ANXA13: variants seen among roughly 807,000 people sequenced by gnomAD.
ANXA13 encodes the protein annexin A13.
A neutral mutation model predicts 46.6 loss-of-function variants in ANXA13; 36 were observed. The ratio of observed to expected loss-of-function variants is 0.77; its 90% confidence interval spans 0.59 to 1.02. The LOEUF (loss-of-function observed/expected upper bound fraction) is 1.02. Among genes scored for constraint, ANXA13 ranks in the 50% least tolerant of loss-of-function variants. ANXA13 has a pLI of 0.00. For missense variants in ANXA13, 417 were observed against 396.5 expected (o/e 1.05, Z -0.44); for synonymous variants, 163 against 152.9 (o/e 1.07, Z -0.49).
chr8:123,681,775 C>T (rs1357977339), intron 10 of ANXA13, among the ~76,000 whole-genome samples: 2 of 151,998 alleles, frequency 1.3e-5, no homozygotes, highest in Admixed American at 1.3e-4. Context: ...AGTCAACCAC[C>T]ATGCCTGGCT....
intron 2 of ANXA13, among the ~76,000 whole-genome samples, chr8:123,706,767 AG>A (rs946577265): frequency 2.6e-5 from 4 of 152,198 alleles, no homozygotes; most frequent in Non-Finnish European, 5.9e-5. Context: ...TCAACTCTGC[AG>A]GGGGGCCTAT....
At position 123,681,048 on chromosome 8, in the gene ANXA13, G is replaced by C; in HGVS notation, c.*192C>G. ...TGCTTGCTAAGCCAGAGTTCAAGGTGCCCTGCCCACGCATCTTAACGTTAC... is the reference window on the plus strand; with the variant it reads ...TGCTTGCTAAGCCAGAGTTCAAGGTCCCCTGCCCACGCATCTTAACGTTAC... On this transcript the variant is annotated 3_prime_UTR_variant, in exon 11 of 11. Transcript: ENST00000419625. 1.6e-6 allele frequency: 1 copy of C among 625,468 alleles called. No individual in the cohort carries two copies. Among genetic ancestry groups the C allele is most frequent in the Admixed American group, 2.8e-5 (1 of 35,398 alleles). The allele number at this position is 625,468 out of a possible 1,614,324, so 38.7% of individuals were successfully genotyped here.
intron 6 of ANXA13, 63 bp downstream of exon 6, chr8:123,695,439 G>C: frequency 1.6e-6 from 2 of 1,232,924 alleles, no homozygotes; most frequent in Non-Finnish European, 2.4e-6. Flanking sequence ...TTTCATCATG[G>C]TGCCATGTTG....
intron 2 of ANXA13, among the ~76,000 whole-genome samples, chr8:123,704,343 C>A (rs139696760): frequency 2.0e-3 from 299 of 152,204 alleles, no homozygotes; most frequent in Admixed American, 3.8e-3. Context: ...CACAATGCAG[C>A]ACCTCTTCTC....
In ANXA13 at chr8:123,723,245, C is replaced by T. The variant is rs80116244; in HGVS notation, c.16-10492G>A. Among the ~76,000 whole-genome samples, 40 of 152,272 alleles carry T rather than the reference C, an allele frequency of 2.6e-4. No individual in the cohort carries two copies. The East Asian group carries it at 6.8e-3, about 26-fold the overall frequency. The stretch of plus-strand genomic sequence containing the variant: ...TCCTCCCTGCAACTTCCTGAGTCCT[C>T]GGAGGACCAAAGAAACTTGAGATTG... On this transcript the variant is annotated intron_variant, in intron 1 of 10. Transcript: ENST00000419625.
At chr8:123,710,961 G>C (rs1317701515) in intron 2 of ANXA13, among the ~76,000 whole-genome samples, 1 of 152,156 alleles carries the variant, frequency 6.6e-6, no homozygotes, top group Non-Finnish European at 1.5e-5. Flanking sequence ...TGGAACTCCT[G>C]ATCAGCAAGC....
chr8:123,720,045 T>C (rs1376930439), intron 1 of ANXA13, among the ~76,000 whole-genome samples: 2 of 152,222 alleles, frequency 1.3e-5, no homozygotes, highest in Non-Finnish European at 2.9e-5. Context: ...CTGAAAGTAT[T>C]ATCAAAATGC....
At chr8:123,683,293 A>C (rs969194747) in intron 10 of ANXA13, among the ~76,000 whole-genome samples, 8 of 152,174 alleles carry the variant, frequency 5.3e-5, no homozygotes, top group African/African-American at 1.9e-4. Flanking sequence ...AGAAATAAAA[A>C]AGCAAGAACC....
chr8:123,700,637 T>G (rs990619479), intron 3 of ANXA13, among the ~76,000 whole-genome samples: 11 of 152,236 alleles, frequency 7.2e-5, no homozygotes, highest in Admixed American at 6.5e-4. Context: ...GCTTTCAGTT[T>G]GAATCCATTT....
chr8:123,712,061 A>G (rs1026395810), intron 2 of ANXA13: 9 of 154,798 alleles, frequency 5.8e-5, no homozygotes, highest in African/African-American at 1.9e-4. Flanking sequence ...CTCATCTTGA[A>G]TCGTAGCTCC....
intron 1 of ANXA13, among the ~76,000 whole-genome samples, chr8:123,724,423 A>G (rs1179834178): frequency 1.3e-5 from 2 of 152,304 alleles, no homozygotes; most frequent in East Asian, 3.9e-4. Context: ...TATATCAGGT[A>G]TAAATATTTC....
chr8:123,735,742 A>G (rs745950892), intron 1 of ANXA13: 10 of 1,606,144 alleles, frequency 6.2e-6, no homozygotes, highest in Non-Finnish European at 7.6e-6. Context: ...TGGGGGGAAA[A>G]TAAAGTGCTT....
chr8:123,687,697 G>A (rs764201996), intron 9 of ANXA13, among the ~76,000 whole-genome samples: 3 of 152,190 alleles, frequency 2.0e-5, no homozygotes, highest in Non-Finnish European at 4.4e-5. Flanking sequence ...AACTTCCAGG[G>A]CTGCTTATTT....
chr8:123,716,217 C>A (rs1381136341), intron 1 of ANXA13, among the ~76,000 whole-genome samples: 1 of 152,220 alleles, frequency 6.6e-6, no homozygotes, highest in Non-Finnish European at 1.5e-5. Flanking sequence ...ACCCAAGTAG[C>A]TGGGATTACA....
chr8:123,684,944 C>A (rs1280207780), intron 9 of ANXA13, among the ~76,000 whole-genome samples: 1 of 152,240 alleles, frequency 6.6e-6, no homozygotes, highest in African/African-American at 2.4e-5. Context: ...CCCCTGAAGA[C>A]CCTCTAGAGG....
chr8:123,729,942 C>T (rs1814081046), intron 1 of ANXA13, among the ~76,000 whole-genome samples: 1 of 152,180 alleles, frequency 6.6e-6, no homozygotes, highest in African/African-American at 2.4e-5. Flanking sequence ...TGCCTTACAT[C>T]CCTGGGATGT....
intron 2 of ANXA13, chr8:123,712,444 A>G (rs1813677929): frequency 1.8e-6 from 1 of 558,506 alleles, no homozygotes. Flanking sequence ...TCAAGTTCAA[A>G]TTAAACGTCA....
chr8:123,718,627 C>A (rs745660097), intron 1 of ANXA13, among the ~76,000 whole-genome samples: 10 of 152,212 alleles, frequency 6.6e-5, no homozygotes, highest in Non-Finnish European at 1.0e-4. Context: ...GCTGGGGGGA[C>A]TTCCACTTTG....
At chr8:123,735,916 C>T (rs1814256955) in intron 1 of ANXA13, 1 of 1,554,768 alleles carries the variant, frequency 6.4e-7, no homozygotes, top group African/African-American at 1.4e-5. Context: ...TGCTGGTCCA[C>T]TCCTAAAGGC....
Sources: allele counts gnomAD v4.1 joint callset (sites outside exome capture counted in the v4.1 genomes callset), GRCh38; gene constraint gnomAD v4.1.1; transcripts MANE v1.5; gene names NCBI Gene and HGNC (gene_info 2026-07-23, HGNC 2026-07-21).